Variants in PTPRC observed in about 807,000 individuals in gnomAD.
PTPRC encodes the protein protein tyrosine phosphatase receptor type C.
In PTPRC, 44 loss-of-function variants were observed where a neutral mutation model predicts 155.9. The observed-to-expected ratio is 0.28, with a 90% CI of 0.22 to 0.36. PTPRC has a LOEUF of 0.36. Ranked by LOEUF, PTPRC falls within the 10% of genes least tolerant of loss-of-function variation. The pLI, the probability that PTPRC is intolerant of heterozygous loss-of-function variation, is 1.00. For missense variants in PTPRC, 1,401 were observed against 1,564.6 expected (o/e 0.90, Z 1.76); for synonymous variants, 525 against 533.1 (o/e 0.98, Z 0.21).
At chr1:198,755,761 G>GT in intron 32 of PTPRC, 145 bp from the exon 33 acceptor site, 1 of 888,770 alleles carries the variant, frequency 1.1e-6, no homozygotes, top group Non-Finnish European at 1.8e-6. Flanking sequence ...TTATTTAGAT[G>GT]TTTTTATGAG....
chr1:198,716,292 G>A (rs933657726), intron 12 of PTPRC, among the ~76,000 whole-genome samples: 4 of 152,082 alleles, frequency 2.6e-5, no homozygotes, highest in African/African-American at 9.7e-5. Context: ...AAAGTTTGGA[G>A]GTTACATATC....
intron 2 of PTPRC, among the ~76,000 whole-genome samples, chr1:198,645,070 G>A (rs983985830): frequency 1.6e-4 from 24 of 151,694 alleles, no homozygotes; most frequent in African/African-American, 5.3e-4. Context: ...TCCAAAATAG[G>A]GATTTGCTAA....
At chr1:198,741,689 A>T (rs1654906836) in intron 23 of PTPRC, among the ~76,000 whole-genome samples, 180 bp from the exon 24 acceptor site, 1 of 151,882 alleles carries the variant, frequency 6.6e-6, no homozygotes, top group African/African-American at 2.4e-5. Context: ...GTTATTGATT[A>T]GAAAGGAAAA....
At chr1:198,708,915 A>G (rs572277216) in intron 10 of PTPRC, among the ~76,000 whole-genome samples, 46 of 152,370 alleles carry the variant, frequency 3.0e-4, no homozygotes, top group African/African-American at 1.1e-3. Context: ...TCAGGTGTGC[A>G]TGCGCATGCA....
intron 11 of PTPRC, 102 bp from the exon 12 acceptor site, chr1:198,712,851 T>C: frequency 8.0e-7 from 1 of 1,249,640 alleles, no homozygotes; most frequent in Non-Finnish European, 1.2e-6. Context: ...GAATTCATCA[T>C]TTGTCAAAAT....
rs891528322 is a variant in PTPRC, at chr1:198,757,214, A to C, written c.*1033A>C. ...TACTTTGAATTTCTCCAATGCTTAG[A>C]ATGTTTTTACCAGGAATGGATGTCG... On this transcript the variant is annotated 3_prime_UTR_variant, in exon 33 of 33. Transcript: ENST00000442510. 3.3e-5 allele frequency: 5 copies of C among 151,848 alleles called. No homozygotes were observed. Among genetic ancestry groups the C allele is most frequent in the African/African-American group, 1.2e-4 (5 of 41,442 alleles). 9.4% of individuals were successfully genotyped at this position (151,848 alleles called of 1,614,324 possible). A position where few individuals can be genotyped will look rare whatever the true frequency, so the allele number is the denominator to read the frequency against.
intron 12 of PTPRC, among the ~76,000 whole-genome samples, chr1:198,716,266 G>A (rs1249638481): frequency 1.3e-5 from 2 of 152,066 alleles, no homozygotes; most frequent in African/African-American, 2.4e-5. Context: ...CAAAACAGTA[G>A]CTAATACCGA....
intron 2 of PTPRC, among the ~76,000 whole-genome samples, chr1:198,653,710 A>G (rs1409786250): frequency 1.3e-5 from 2 of 151,888 alleles, no homozygotes; most frequent in African/African-American, 2.4e-5. Context: ...TTTTTGCTAA[A>G]GAGTATTCTT....
chr1:198,738,794 TG>T (rs1338891663), intron 23 of PTPRC, among the ~76,000 whole-genome samples: 1 of 151,754 alleles, frequency 6.6e-6, no homozygotes, highest in African/African-American at 2.4e-5. Flanking sequence ...TTTTCTTTGC[TG>T]GGAAACTTTT....
chr1:198,640,906 A>T (rs1230976487), intron 2 of PTPRC, among the ~76,000 whole-genome samples: 1 of 152,012 alleles, frequency 6.6e-6, no homozygotes, highest in Non-Finnish European at 1.5e-5. Context: ...TCAGAGTGTG[A>T]AATATTTCCT....
chr1:198,711,492 G>A (rs1312575737), intron 11 of PTPRC, among the ~76,000 whole-genome samples: 4 of 151,950 alleles, frequency 2.6e-5, no homozygotes, highest in Non-Finnish European at 5.9e-5. Flanking sequence ...AATTCAAAAT[G>A]GATTCCAGAC....
chr1:198,733,994 C>T (rs1410625008), intron 20 of PTPRC, among the ~76,000 whole-genome samples: 1 of 151,732 alleles, frequency 6.6e-6, no homozygotes, highest in Non-Finnish European at 1.5e-5. Context: ...CATGAATATT[C>T]TTTGCAAATG....
At chr1:198,716,657 A>G (rs1571864813) in intron 12 of PTPRC, 25 bp from the exon 13 acceptor site, 1 of 1,605,858 alleles carries the variant, frequency 6.2e-7, no homozygotes, top group Non-Finnish European at 8.5e-7. Context: ...ACGACTTACT[A>G]ATTTTTTTTC....
rs750514074 is a variant in PTPRC, at chr1:198,744,092, C to T, written c.2736C>T (p.Tyr912=). 4.4e-6 allele frequency: 7 copies of T among 1,605,474 alleles called. No individual in the cohort carries two copies. The highest frequency in any genetic ancestry group is 1.3e-5 in the African/African-American group (1 of 74,576). The change falls in exon 26 of 33, where the codon TAC becomes TAT. Residue 912 remains tyrosine (Y), a synonymous_variant. Transcript: ENST00000442510. ...TGATCCATCAGGCTTTGGTGGAATA[C>T]AATCAGTTTGGAGAAACAGAAGTGA... ...YILIHQALVE[Y]NQFGETEVNL... is the part of the protein sequence containing the mutation.
intron 23 of PTPRC, among the ~76,000 whole-genome samples, chr1:198,736,147 G>C (rs1302432322): frequency 6.6e-6 from 1 of 151,380 alleles, no homozygotes; most frequent in Non-Finnish European, 1.5e-5. Flanking sequence ...GGTAAATGGG[G>C]CATCCATCAT....
chr1:198,683,860 A>C (rs1429073215), intron 2 of PTPRC, among the ~76,000 whole-genome samples: 1 of 152,102 alleles, frequency 6.6e-6, no homozygotes, highest in Non-Finnish European at 1.5e-5. Flanking sequence ...CATTGCAGTT[A>C]CATTGTACAA....
At chr1:198,736,380 TA>T (rs1374267876) in intron 23 of PTPRC, among the ~76,000 whole-genome samples, 1 of 151,688 alleles carries the variant, frequency 6.6e-6, no homozygotes, top group Non-Finnish European at 1.5e-5. Context: ...CTACTCTGTA[TA>T]TCCAAGAGTT....
chr1:198,718,056 T>C (rs1329861731), intron 13 of PTPRC, 38 bp from the exon 14 acceptor site: 2 of 1,491,408 alleles, frequency 1.3e-6, no homozygotes, highest in Non-Finnish European at 1.9e-6. Flanking sequence ...TATGCATCTA[T>C]TAAATTATTA....
chr1:198,713,223 C>T (rs1397668365), intron 12 of PTPRC, 151 bp downstream of exon 12: 1 of 1,098,668 alleles, frequency 9.1e-7, no homozygotes, highest in African/African-American at 1.6e-5. Flanking sequence ...TGCTTCCACT[C>T]ATTCAAAGCT....
Sources: allele counts gnomAD v4.1 joint callset (sites outside exome capture counted in the v4.1 genomes callset), GRCh38; gene constraint gnomAD v4.1.1; transcripts MANE v1.5; gene names NCBI Gene and HGNC (gene_info 2026-07-23, HGNC 2026-07-21).